Variants in FRMD3 observed in about 807,000 individuals in gnomAD.
The protein encoded by FRMD3 is FERM domain-containing protein 3.
A neutral mutation model predicts 70.2 loss-of-function variants in FRMD3; 33 were observed. The ratio of observed to expected loss-of-function variants is 0.47; its 90% CI spans 0.36 to 0.63. The LOEUF (loss-of-function observed/expected upper bound fraction) is 0.63. Among genes scored for constraint, FRMD3 ranks in the 20% least tolerant of loss-of-function variants. The pLI, the probability that FRMD3 is intolerant of heterozygous loss-of-function variation, is 0.00. For missense variants in FRMD3, 632 were observed against 711.4 expected (o/e 0.89, Z 1.27); for synonymous variants, 279 against 255.9 (o/e 1.09, Z -0.86).
intron 2 of FRMD3, among the ~76,000 whole-genome samples, chr9:83,386,760 C>T (rs963716332): frequency 1.3e-5 from 2 of 152,194 alleles, no homozygotes; most frequent in African/African-American, 4.8e-5. Context: ...TCCCACATTG[C>T]CTTGAGTTGA....
the FRMD3 span, among the ~76,000 whole-genome samples, chr9:83,554,143 G>C: frequency 3.9e-5 from 6 of 152,134 alleles, no homozygotes; most frequent in Non-Finnish European, 8.8e-5. Context: ...TTTTGGTTTT[G>C]AAGCTTTGGG....
chr9:83,282,415 T>C (rs1317716543), intron 13 of FRMD3, among the ~76,000 whole-genome samples: 4 of 152,222 alleles, frequency 2.6e-5, no homozygotes, highest in Non-Finnish European at 5.9e-5. Flanking sequence ...CCACAGGCTA[T>C]ATATTGCTAA....
intron 13 of FRMD3, among the ~76,000 whole-genome samples, chr9:83,280,509 T>C (rs1833938830): frequency 6.6e-6 from 1 of 152,206 alleles, no homozygotes; most frequent in Admixed American, 6.5e-5. Context: ...CCACCATAAC[T>C]AGAGCAGACA....
chr9:83,258,586 G>A (rs1832834075), intron 13 of FRMD3, among the ~76,000 whole-genome samples: 1 of 152,226 alleles, frequency 6.6e-6, no homozygotes, highest in Non-Finnish European at 1.5e-5. Context: ...GGATCGAACT[G>A]AGAGAAAGCA....
At chr9:83,371,332 T>G (rs1474265577) in intron 3 of FRMD3, among the ~76,000 whole-genome samples, 2 of 152,064 alleles carry the variant, frequency 1.3e-5, no homozygotes, top group Admixed American at 6.6e-5. Flanking sequence ...TTTTTTTTTT[T>G]TTTAAACGGA....
intron 10 of FRMD3, among the ~76,000 whole-genome samples, chr9:83,309,119 C>T (rs771972087): frequency 1.3e-5 from 2 of 152,138 alleles, no homozygotes; most frequent in Non-Finnish European, 2.9e-5. Context: ...CCACCACTCC[C>T]CTACTGGTAT....
At chr9:83,332,224 A>G (rs1425323846) in intron 6 of FRMD3, among the ~76,000 whole-genome samples, 1 of 152,204 alleles carries the variant, frequency 6.6e-6, no homozygotes, top group African/African-American at 2.4e-5. Context: ...GCTTCTCCCT[A>G]TCCTCCAGTA....
intron 1 of FRMD3, among the ~76,000 whole-genome samples, chr9:83,509,774 C>A (rs559843771): frequency 6.7e-6 from 1 of 149,982 alleles, no homozygotes; most frequent in Non-Finnish European, 1.5e-5. Flanking sequence ...AATTAAAATA[C>A]GCACACGCGC....
chr9:83,295,809 C>T (rs1401293582), intron 12 of FRMD3, among the ~76,000 whole-genome samples: 1 of 152,224 alleles, frequency 6.6e-6, no homozygotes, highest in Admixed American at 6.5e-5. Context: ...GCCTCTGGAA[C>T]AGGCAGATGA....
chr9:83,415,614 CTTTTTTT>C (rs1168650565), intron 1 of FRMD3, among the ~76,000 whole-genome samples: 7 of 108,962 alleles, frequency 6.4e-5, no homozygotes, highest in Non-Finnish European at 1.1e-4. Context: ...GACTAATTTT[CTTTTTTT>C]TTTTTTTTTT....
At chr9:83,376,910 A>G (rs552475687) in intron 2 of FRMD3, among the ~76,000 whole-genome samples, 6 of 152,140 alleles carry the variant, frequency 3.9e-5, no homozygotes, top group Non-Finnish European at 7.3e-5. Context: ...AGTGTGTCCA[A>G]TATGATCCTA....
chr9:83,252,899 G>A (rs1354472078), intron 13 of FRMD3, among the ~76,000 whole-genome samples: 1 of 152,116 alleles, frequency 6.6e-6, no homozygotes, highest in African/African-American at 2.4e-5. Flanking sequence ...CAAGTGCTTA[G>A]AGACTTAGAC....
In FRMD3 at chr9:83,452,848, CTTT is replaced by C. The variant is rs11346596; in HGVS notation, c.148-63143_148-63141del. Among the ~76,000 whole-genome samples, 204 of 72,362 alleles carry C rather than the reference CTTT, an allele frequency of 2.8e-3. 1 individual carries two copies. The highest frequency in any genetic ancestry group is 5.1e-3 in the Admixed American group (26 of 5,136). The allele number at this position is 72,362 out of a possible 152,430, so 47.5% of individuals were successfully genotyped here. On this transcript the variant is annotated intron_variant, in intron 1 of 13. Coordinates refer to ENST00000304195, the MANE Select transcript of FRMD3 (RefSeq NM_174938.6). ...AAAGAATTATCCAAATTTTTATTGC[CTTT>C]TTTTTTTTTTTTTTTTTTTTTGAGA...
At chr9:83,384,574 G>T (rs1825456415) in intron 2 of FRMD3, among the ~76,000 whole-genome samples, 1 of 152,150 alleles carries the variant, frequency 6.6e-6, no homozygotes, top group Non-Finnish European at 1.5e-5. Context: ...CAACATAAAA[G>T]CCTTGGGGCT....
chr9:83,267,677 C>T (rs938551657), intron 13 of FRMD3, among the ~76,000 whole-genome samples: 4 of 151,970 alleles, frequency 2.6e-5, no homozygotes, highest in African/African-American at 4.8e-5. Context: ...TATTTGAAAT[C>T]GAGATATTCA....
At chr9:83,491,535 T>C (rs938463670) in intron 1 of FRMD3, among the ~76,000 whole-genome samples, 2 of 152,142 alleles carry the variant, frequency 1.3e-5, no homozygotes, top group African/African-American at 2.4e-5. Flanking sequence ...AGATGCCACA[T>C]GCCCAGGGGT....
chr9:83,406,089 G>T (rs1434059128), intron 1 of FRMD3, among the ~76,000 whole-genome samples: 2 of 152,092 alleles, frequency 1.3e-5, no homozygotes, highest in East Asian at 3.8e-4. Context: ...AGGCAGCTGG[G>T]GTTGGAAATC....
intron 6 of FRMD3, among the ~76,000 whole-genome samples, chr9:83,318,212 A>G (rs1002146330): frequency 2.6e-5 from 4 of 152,058 alleles, no homozygotes; most frequent in South Asian, 2.1e-4. Flanking sequence ...TGCAACTATC[A>G]CCCAAATAGT....
At chr9:83,584,903 A>C in the FRMD3 span, among the ~76,000 whole-genome samples, 2 of 152,224 alleles carry the variant, frequency 1.3e-5, no homozygotes, top group Non-Finnish European at 2.9e-5. Context: ...GACTTCTATT[A>C]TTGAATTAAG....
Sources: allele counts gnomAD v4.1 joint callset (sites outside exome capture counted in the v4.1 genomes callset), GRCh38; gene constraint gnomAD v4.1.1; transcripts MANE v1.5; gene names NCBI Gene and HGNC (gene_info 2026-07-23, HGNC 2026-07-21).